The following TENM1 variants were observed in gnomAD, a reference collection of about 807,000 sequenced individuals.
TENM1 encodes teneurin transmembrane protein 1.
A neutral mutation model predicts 174.8 loss-of-function variants in TENM1; 35 were observed. The observed-to-expected ratio is 0.20, with a 90% CI of 0.15 to 0.27. The LOEUF is 0.27. Among genes scored for constraint, TENM1 ranks in the 10% least tolerant of loss-of-function variants. The probability of loss-of-function intolerance (pLI) is 1.00; values close to 1 mark genes in which losing one functional copy is unlikely to be tolerated. For synonymous variants in TENM1, 781 were observed against 798.7 expected, an observed-to-expected ratio of 0.98 and a Z score of 0.37; for missense variants, 1,633 against 2,130.1, an observed-to-expected ratio of 0.77 and a Z score of 4.59.
At chrX:124,549,669 CCT>C (rs199598853) in intron 14 of TENM1, among the ~76,000 whole-genome samples, 3,011 of 110,949 alleles carry the variant, frequency 0.027, 47 homozygotes, top group African/African-American at 0.036. Flanking sequence ...CCCTTTAAGA[CCT>C]CTGTTTTCTG....
At chrX:124,382,380 T>C (rs1376635260) in intron 31 of TENM1, among the ~76,000 whole-genome samples, 1 of 111,555 alleles carries the variant, frequency 9.0e-6, no homozygotes, top group Non-Finnish European at 1.9e-5. Context: ...CCATAATTGC[T>C]CTTGGTAGCC....
At chrX:125,035,526 A>G in the TENM1 span, among the ~76,000 whole-genome samples, 3 of 111,343 alleles carry the variant, frequency 2.7e-5, no homozygotes, top group Non-Finnish European at 5.7e-5. Flanking sequence ...CCCAACATCC[A>G]AAACTCTGCT....
intron 11 of TENM1, among the ~76,000 whole-genome samples, chrX:124,639,337 A>G (rs1353004197): frequency 9.0e-6 from 1 of 111,705 alleles, no homozygotes; most frequent in Non-Finnish European, 1.9e-5. Flanking sequence ...TCTCTTGTCC[A>G]TGTGATAAAC....
At chrX:124,757,251 T>C (rs903671401) in intron 3 of TENM1, among the ~76,000 whole-genome samples, 1 of 112,320 alleles carries the variant, frequency 8.9e-6, no homozygotes, top group African/African-American at 3.2e-5. Context: ...CTCAGACTGC[T>C]GTGCTAGCAA....
At chrX:124,582,045 C>T (rs1027783373) in intron 11 of TENM1, among the ~76,000 whole-genome samples, 4 of 111,320 alleles carry the variant, frequency 3.6e-5, no homozygotes, top group African/African-American at 1.3e-4. Context: ...CCCTTCCCCA[C>T]ACCCCAATAG....
At chrX:125,069,496 T>C in the TENM1 span, among the ~76,000 whole-genome samples, 3 of 111,698 alleles carry the variant, frequency 2.7e-5, no homozygotes, top group Non-Finnish European at 5.6e-5. Flanking sequence ...ATGATTCCTT[T>C]TCCTTTGGGT....
At chrX:124,599,904 C>A (rs2049988541) in intron 11 of TENM1, among the ~76,000 whole-genome samples, 1 of 109,848 alleles carries the variant, frequency 9.1e-6, no homozygotes, top group Non-Finnish European at 1.9e-5. Context: ...CAAGAATGAA[C>A]CCTGTGGTGT....
chrX:124,547,547 T>C (rs1310484531), intron 14 of TENM1, among the ~76,000 whole-genome samples: 1 of 112,055 alleles, frequency 8.9e-6, no homozygotes, highest in African/African-American at 3.2e-5. Context: ...CCTCCCAATA[T>C]TGTTGTCTAC....
intron 3 of TENM1, among the ~76,000 whole-genome samples, chrX:124,756,189 T>TA (rs1423722408): frequency 8.9e-5 from 9 of 100,665 alleles, no homozygotes; most frequent in African/African-American, 3.0e-4. Flanking sequence ...TGTTCGTTTC[T>TA]TTTTATTTTT....
chrX:124,524,624 C>G (rs2047931801), intron 16 of TENM1, among the ~76,000 whole-genome samples: 1 of 111,453 alleles, frequency 9.0e-6, no homozygotes, highest in Admixed American at 9.6e-5. Flanking sequence ...GTAAGACAGC[C>G]TGTAATGAAC....
intron 11 of TENM1, among the ~76,000 whole-genome samples, chrX:124,593,168 G>A (rs2049803446): frequency 9.0e-6 from 1 of 111,557 alleles, no homozygotes; most frequent in South Asian, 3.8e-4. Flanking sequence ...ATAATCCAGT[G>A]GGCAGCCACC....
intron 3 of TENM1, among the ~76,000 whole-genome samples, chrX:124,757,546 T>C (rs1424560692): frequency 8.9e-6 from 1 of 112,447 alleles, no homozygotes; most frequent in African/African-American, 3.2e-5. Context: ...ATGAACCCGG[T>C]ACCTCTGATG....
chrX:124,906,723 G>A (rs2057754376), intron 1 of TENM1, among the ~76,000 whole-genome samples: 1 of 111,912 alleles, frequency 8.9e-6, no homozygotes, highest in African/African-American at 3.2e-5. Flanking sequence ...GAATACTACT[G>A]AGACATAAAA....
the TENM1 span, among the ~76,000 whole-genome samples, chrX:125,050,389 C>T: frequency 9.2e-6 from 1 of 108,971 alleles, no homozygotes; most frequent in Admixed American, 9.9e-5. Flanking sequence ...TCAATTCCTA[C>T]CTATGAGTGA....
intron 5 of TENM1, among the ~76,000 whole-genome samples, chrX:124,683,086 T>C (rs370670302): frequency 8.7e-4 from 97 of 111,861 alleles, no homozygotes; most frequent in African/African-American, 2.5e-3. Context: ...ATATGGTAAT[T>C]CTCTGTACTA....
Position 124,722,804 on chromosome X carries a change from C to T in TENM1, c.776+14153G>A, listed in dbSNP as rs770112963. Among the ~76,000 whole-genome samples, 308 of 95,888 alleles carry T rather than the reference C, an allele frequency of 3.2e-3. 1 individual carries two copies. The highest frequency in any genetic ancestry group is 0.012 in the African/African-American group (292 of 25,093). The allele number at this position is 95,888 out of a possible 115,157, so 83.3% of individuals were successfully genotyped here. A position where few individuals can be genotyped will look rare whatever the true frequency, so the allele number is the denominator to read the frequency against. Reference sequence around the variant, plus strand: ...GCAGTGAGCCGAGATCATGCCACTGCACTCCAGCCTGGGCGACAGAGAGAG... The same window carrying T: ...GCAGTGAGCCGAGATCATGCCACTGTACTCCAGCCTGGGCGACAGAGAGAG... On this transcript the variant is annotated intron_variant, in intron 4 of 31. Transcript: ENST00000422452.
the TENM1 span, among the ~76,000 whole-genome samples, chrX:124,986,421 G>C: frequency 8.9e-6 from 1 of 111,777 alleles, no homozygotes; most frequent in Non-Finnish European, 1.9e-5. Flanking sequence ...GGTAATCATA[G>C]AACACTCTCT....
the TENM1 span, among the ~76,000 whole-genome samples, chrX:125,076,684 T>C: frequency 8.9e-6 from 1 of 111,822 alleles, no homozygotes; most frequent in Non-Finnish European, 1.9e-5. Flanking sequence ...ATCTTCTCTA[T>C]ATGTTTACTA....
chrX:124,744,180 G>C (rs757877763), intron 3 of TENM1, among the ~76,000 whole-genome samples: 1 of 112,063 alleles, frequency 8.9e-6, no homozygotes, highest in East Asian at 2.8e-4. Context: ...AGATAAGGCT[G>C]TGGTAAATGC....
Sources: gnomAD v4.1 joint callset for allele counts (sites outside exome capture counted in the v4.1 genomes callset) on GRCh38, gnomAD v4.1.1 for gene constraint, MANE v1.5 for transcripts, NCBI Gene and HGNC (gene_info 2026-07-23, HGNC 2026-07-21) for gene names.